Variants in USP34 observed in about 807,000 individuals in gnomAD.
The protein encoded by USP34 is ubiquitin specific peptidase 34.
In USP34, 70 loss-of-function variants were observed where a neutral mutation model predicts 460.3. That is an observed-to-expected ratio of 0.15 (90% confidence interval 0.13 to 0.19). USP34 has a LOEUF of 0.19. Ranked by LOEUF, USP34 falls within the 10% of genes least tolerant of loss-of-function variation. The pLI, the probability that USP34 is intolerant of heterozygous loss-of-function variation, is 1.00. For missense variants in USP34, 3,985 were observed against 4,236.2 expected (o/e 0.94, Z 1.65); for synonymous variants, 1,647 against 1,405.3 (o/e 1.17, Z -3.85).
rs374360822 is a variant in USP34, at chr2:61,470,712, C to T, written c.-20G>A. On this transcript the variant is annotated 5_prime_UTR_variant, in exon 1 of 80. Coordinates refer to ENST00000398571, the MANE Select transcript of USP34 (RefSeq NM_014709.4). ...GCACATCGTTCGGCCGCCGCCCCCCCCCTCCCCCGCTTCGGATCACACTGA... is the reference window on the plus strand; with the variant it reads ...GCACATCGTTCGGCCGCCGCCCCCCTCCTCCCCCGCTTCGGATCACACTGA... 1.5e-5 allele frequency: 24 copies of T among 1,588,246 alleles called. No individual in the cohort carries two copies. Among genetic ancestry groups the T allele is most frequent in the Middle Eastern group, 1.7e-4 (1 of 5,970 alleles).
intron 67 of USP34, among the ~76,000 whole-genome samples, chr2:61,216,928 A>G: frequency 6.6e-6 from 1 of 152,028 alleles, no homozygotes; most frequent in East Asian, 1.9e-4. Flanking sequence ...AAAAAGAAAA[A>G]AAAAAAAAAA....
At chr2:61,394,323 A>G (rs983772543) in intron 5 of USP34, among the ~76,000 whole-genome samples, 1 of 151,908 alleles carries the variant, frequency 6.6e-6, no homozygotes, top group Admixed American at 6.6e-5. Context: ...AAAAGTCAAA[A>G]ATTTCCCAGG....
intron 27 of USP34, among the ~76,000 whole-genome samples, chr2:61,302,953 A>T (rs1224141234): frequency 1.3e-5 from 2 of 152,344 alleles, no homozygotes; most frequent in East Asian, 3.9e-4. Context: ...TTAAAAAATA[A>T]ATTTACCTAA....
At chr2:61,227,392 C>A (rs1395614981) in intron 61 of USP34, among the ~76,000 whole-genome samples, 174 bp from the exon 62 acceptor site, 1 of 152,098 alleles carries the variant, frequency 6.6e-6, no homozygotes, top group Non-Finnish European at 1.5e-5. Context: ...TCAGGACAAT[C>A]TTAGATTAAA....
intron 5 of USP34, among the ~76,000 whole-genome samples, chr2:61,394,205 C>T (rs1273720616): frequency 1.3e-5 from 2 of 152,110 alleles, no homozygotes; most frequent in Non-Finnish European, 2.9e-5. Context: ...GAAGAATTAC[C>T]TTATTTTCAA....
intron 74 of USP34, 29 bp downstream of exon 74, chr2:61,204,227 A>G: frequency 6.2e-7 from 1 of 1,614,000 alleles, no homozygotes; most frequent in Non-Finnish European, 8.5e-7. Context: ...TACTATAGCA[A>G]CATGGATTTT....
chr2:61,420,576 C>T (rs1338829060), intron 2 of USP34, among the ~76,000 whole-genome samples, 170 bp downstream of exon 2: 2 of 152,078 alleles, frequency 1.3e-5, no homozygotes, highest in African/African-American at 2.4e-5. Context: ...GTTTTAAAAA[C>T]AGAATCATGA....
In USP34 at chr2:61,380,249, T is replaced by C. The variant is rs1393262381; in HGVS notation, c.934A>G (p.Lys312Glu). 2 of 1,614,174 alleles carry C rather than the reference T, an allele frequency of 1.2e-6. No individual in the cohort carries two copies. The highest frequency in any genetic ancestry group is 1.7e-6 in the Non-Finnish European group (2 of 1,180,006). The part of the protein sequence containing the change: ...EPLDTTLCFD[K>E]ESLDLAFKYF... ...TTAAATGCAAGATCTAGGCTTTCTT[T>C]ATCAAAGCATAATGTTGTATCCAAT... The change falls in exon 7 of 80, where the codon AAA (lysine) becomes GAA (glutamate). Residue 312 changes from lysine to glutamate, a missense_variant. Transcript: ENST00000398571.
In USP34 at chr2:61,339,830, TTTTG is replaced by T. The variant is rs869044709; in HGVS notation, c.2501-153_2501-150del. On this transcript the variant is annotated intron_variant, in intron 16 of 79. Coordinates refer to ENST00000398571, the MANE Select transcript of USP34 (RefSeq NM_014709.4). ...CACATTAGCACAATATTTTGTTTTG[TTTTG>T]TTTTTGTTTTTTTTTTAAATAGAGA... 2.8e-4 allele frequency: 121 copies of T among 437,112 alleles called. 1 individual carries two copies. Among genetic ancestry groups the T allele is most frequent in the South Asian group, 1.7e-4 (2 of 11,610 alleles). The allele number at this position is 437,112 out of a possible 1,614,324, so 27.1% of individuals were successfully genotyped here. A position where few individuals can be genotyped will look rare whatever the true frequency, so the allele number is the denominator to read the frequency against.
chr2:61,370,310 G>A lies in USP34; in HGVS notation c.1251+11C>T, dbSNP rs765352097. ...GCAAAGCACTCAATAAATGTGAGCT[G>A]TTAATATTACCTGTGCTGCAGCCCA... On this transcript the variant is annotated intron_variant, in intron 10 of 79. Coordinates refer to ENST00000398571, the MANE Select transcript of USP34 (RefSeq NM_014709.4). 2.5e-6 allele frequency: 4 copies of A among 1,612,070 alleles called. No homozygotes were observed.
intron 33 of USP34, among the ~76,000 whole-genome samples, chr2:61,291,367 T>C (rs1024098537): frequency 2.6e-5 from 4 of 152,176 alleles, no homozygotes; most frequent in Non-Finnish European, 4.4e-5. Context: ...TGTTGCAGCT[T>C]TGGTAAACTG....
intron 78 of USP34, 144 bp from the exon 79 acceptor site, chr2:61,189,213 TAAAACCAG>T (rs1686543711): frequency 1.2e-6 from 1 of 846,894 alleles, no homozygotes. Context: ...CTTAGAATGA[TAAAACCAG>T]AAAGCCAGTG....
At chr2:61,410,024 C>A (rs1301645141) in intron 2 of USP34, among the ~76,000 whole-genome samples, 1 of 152,178 alleles carries the variant, frequency 6.6e-6, no homozygotes, top group Non-Finnish European at 1.5e-5. Context: ...CGGCGTTTCC[C>A]TCTGTGTATC....
At chr2:61,291,125 A>C (rs1287277552) in intron 33 of USP34, among the ~76,000 whole-genome samples, 1 of 152,134 alleles carries the variant, frequency 6.6e-6, no homozygotes, top group Admixed American at 6.5e-5. Flanking sequence ...AAGACAACCC[A>C]ATTAAAAGTG....
intron 2 of USP34, among the ~76,000 whole-genome samples, chr2:61,416,174 A>G (rs188511224): frequency 6.6e-5 from 10 of 152,354 alleles, no homozygotes; most frequent in African/African-American, 2.4e-4. Flanking sequence ...CAATATCAAC[A>G]GTCCATTGGT....
chr2:61,447,291 CATAT>C (rs931487211), intron 1 of USP34, among the ~76,000 whole-genome samples: 4 of 101,038 alleles, frequency 4.0e-5, no homozygotes, highest in Non-Finnish European at 4.2e-5. Flanking sequence ...AACCAGAAAA[CATAT>C]ATAATTCCAC....
intron 16 of USP34, among the ~76,000 whole-genome samples, chr2:61,343,575 T>C (rs1477688530): frequency 1.3e-5 from 2 of 152,178 alleles, no homozygotes; most frequent in African/African-American, 2.4e-5. Flanking sequence ...ATATTATTGC[T>C]ATATATTTTC....
chr2:61,409,564 A>C (rs1010776023), intron 2 of USP34, among the ~76,000 whole-genome samples: 1 of 152,068 alleles, frequency 6.6e-6, no homozygotes, highest in Non-Finnish European at 1.5e-5. Context: ...AAATACAAAA[A>C]TTAGCCAGCC....
chr2:61,209,516 G>A (rs1687212058), intron 69 of USP34, among the ~76,000 whole-genome samples: 2 of 152,328 alleles, frequency 1.3e-5, no homozygotes, highest in East Asian at 3.9e-4. Context: ...TTAGCCTAGT[G>A]ACTTCATAGC....
Sources: gnomAD v4.1 joint callset for allele counts (sites outside exome capture counted in the v4.1 genomes callset) on GRCh38, gnomAD v4.1.1 for gene constraint, MANE v1.5 for transcripts, NCBI Gene and HGNC (gene_info 2026-07-23, HGNC 2026-07-21) for gene names.